GPHN: variants seen among roughly 807,000 people sequenced by gnomAD.
The protein encoded by GPHN is gephyrin.
Under a neutral mutation model 95.5 loss-of-function variants are expected in GPHN, and 17 were observed. That is an observed-to-expected ratio of 0.18 (90% confidence interval 0.12 to 0.27). GPHN has a LOEUF of 0.27. Among genes scored for constraint, GPHN ranks in the 10% least tolerant of loss-of-function variants. The probability of loss-of-function intolerance (pLI) is 1.00; values close to 1 mark genes in which losing one functional copy is unlikely to be tolerated. For synonymous variants in GPHN, 320 were observed against 322.5 expected (o/e 0.99, Z 0.08); for missense variants, 660 against 978.1 (o/e 0.67, Z 4.34).
At chr14:67,016,869 A>G (rs115440074) in intron 9 of GPHN, among the ~76,000 whole-genome samples, 2,584 of 152,256 alleles carry the variant, frequency 0.017, 31 homozygotes, top group Middle Eastern at 0.1. Context: ...TATAAAATAT[A>G]TGTGACTTAA....
At chr14:67,393,185 A>G in the GPHN span, 15 of 1,613,876 alleles carry the variant, frequency 9.3e-6, no homozygotes, top group East Asian at 8.9e-5. Context: ...TCCCTGCTCC[A>G]TGTTGGGGCT....
At chr14:67,647,142 T>C in the GPHN span, 2 of 712,436 alleles carry the variant, frequency 2.8e-6, no homozygotes, top group Non-Finnish European at 4.6e-6. Flanking sequence ...ACACATAATT[T>C]TAAATAGTTC....
At chr14:67,422,085 G>A in the GPHN span, among the ~76,000 whole-genome samples, 2 of 152,132 alleles carry the variant, frequency 1.3e-5, no homozygotes, top group Non-Finnish European at 2.9e-5. Flanking sequence ...GGGCTCAGCT[G>A]AGAGCATGCT....
At chr14:66,805,136 G>A (rs2060497215) in intron 3 of GPHN, among the ~76,000 whole-genome samples, 1 of 152,186 alleles carries the variant, frequency 6.6e-6, no homozygotes, top group African/African-American at 2.4e-5. Context: ...CAATCATGGT[G>A]GACAGCAAGG....
chr14:66,842,636 G>T, intron 4 of GPHN: 1 of 1,476,162 alleles, frequency 6.8e-7, no homozygotes. Context: ...TCCTCAAACT[G>T]GGAGTCAGAA....
intron 3 of GPHN, among the ~76,000 whole-genome samples, chr14:66,797,550 T>C (rs1462782982): frequency 6.6e-6 from 1 of 151,898 alleles, no homozygotes; most frequent in Non-Finnish European, 1.5e-5. Context: ...CTTTTGCTCT[T>C]TGGTTAAATT....
At chr14:67,194,026 G>C in the GPHN span, among the ~76,000 whole-genome samples, 1 of 150,754 alleles carries the variant, frequency 6.6e-6, no homozygotes, top group East Asian at 2.0e-4. Flanking sequence ...TGTAAAACTG[G>C]AAAGACATAT....
the GPHN span, chr14:67,447,501 G>C: frequency 6.6e-6 from 1 of 152,206 alleles, no homozygotes; most frequent in African/African-American, 2.4e-5. Context: ...GTAAGACAAA[G>C]ACTGTGTTAG....
intron 17 of GPHN, among the ~76,000 whole-genome samples, chr14:67,123,537 G>A (rs1190790197): frequency 1.3e-5 from 2 of 152,150 alleles, no homozygotes; most frequent in African/African-American, 4.8e-5. Context: ...TTGCCTAGGT[G>A]TGGTGGTACA....
the GPHN span, chr14:67,585,586 AAGG>A: frequency 1.9e-6 from 3 of 1,583,222 alleles, no homozygotes; most frequent in East Asian, 2.3e-5. Flanking sequence ...GCTGTCTTCC[AAGG>A]AGAACGCTCT....
the GPHN span, among the ~76,000 whole-genome samples, chr14:67,655,093 G>A: frequency 4.7e-5 from 7 of 147,806 alleles, no homozygotes; most frequent in Non-Finnish European, 8.9e-5. Context: ...TAATCCTAGC[G>A]CTTTGGGAGG....
intron 1 of GPHN, among the ~76,000 whole-genome samples, chr14:66,621,097 T>G (rs547691607): frequency 6.6e-6 from 1 of 151,488 alleles, no homozygotes; most frequent in South Asian, 2.1e-4. Flanking sequence ...CCTGAGCAGC[T>G]GGGACTACAA....
At chr14:67,420,923 G>A in the GPHN span, among the ~76,000 whole-genome samples, 3 of 152,198 alleles carry the variant, frequency 2.0e-5, no homozygotes, top group East Asian at 5.8e-4. Flanking sequence ...TCTGATCTTG[G>A]TAAAGTACAG....
intron 9 of GPHN, among the ~76,000 whole-genome samples, chr14:66,966,726 T>G (rs990157321): frequency 2.0e-5 from 3 of 152,034 alleles, no homozygotes; most frequent in African/African-American, 7.2e-5. Context: ...TCACTGAATA[T>G]TAAGACCTAA....
At chr14:66,872,797 A>G (rs906403111) in intron 4 of GPHN, among the ~76,000 whole-genome samples, 1 of 151,326 alleles carries the variant, frequency 6.6e-6, no homozygotes, top group Non-Finnish European at 1.5e-5. Flanking sequence ...CGGAAGGCTG[A>G]GGTAGGAGAA....
At chr14:67,463,638 CAAAAAAAAAAAA>C in the GPHN span, among the ~76,000 whole-genome samples, 166 of 54,882 alleles carry the variant, frequency 3.0e-3, no homozygotes, top group African/African-American at 9.9e-3. Context: ...GACTCCGTCT[CAAAAAAAAAAAA>C]AAAAAAAAAA....
At position 66,977,040 on chromosome 14, in the gene GPHN, A is replaced by C. The variant is rs114541116; in HGVS notation, c.963+11715A>C. 7.1e-3 allele frequency among the ~76,000 whole-genome samples: 1,074 copies of C among 152,252 alleles called. 5 individuals carry two copies. The highest frequency in any genetic ancestry group is 0.025 in the African/African-American group (1,025 of 41,540). ...CAGTACTGTAATGAGCAATGACATG[A>C]GTATTTCTTTTCAGACTAATAGGAA... On this transcript the variant is annotated intron_variant, in intron 9 of 22. Coordinates refer to ENST00000478722, the MANE Select transcript of GPHN (RefSeq NM_020806.5).
chr14:67,011,563 G>A (rs1358786845), intron 9 of GPHN, among the ~76,000 whole-genome samples: 2 of 109,356 alleles, frequency 1.8e-5, no homozygotes, highest in Non-Finnish European at 3.3e-5. Flanking sequence ...AGTAGAGTGA[G>A]ACCTTGCCTC....
At chr14:66,635,944 C>G (rs1208603135) in intron 1 of GPHN, among the ~76,000 whole-genome samples, 1 of 151,822 alleles carries the variant, frequency 6.6e-6, no homozygotes, top group East Asian at 1.9e-4. Context: ...CGAGACCATC[C>G]TGGCTAACAC....
Sources: allele counts gnomAD v4.1 joint callset (sites outside exome capture counted in the v4.1 genomes callset), GRCh38; gene constraint gnomAD v4.1.1; transcripts MANE v1.5; gene names NCBI Gene and HGNC (gene_info 2026-07-23, HGNC 2026-07-21).